CLNK: variants seen among roughly 807,000 people sequenced by gnomAD.
CLNK encodes cytokine dependent hematopoietic cell linker, also known as cytokine-dependent hematopoietic cell linker.
Under a neutral mutation model 68.6 loss-of-function variants are expected in CLNK, and 74 were observed. That is an observed-to-expected ratio of 1.08 (90% CI 0.89 to 1.31). The LOEUF (loss-of-function observed/expected upper bound fraction) is 1.31. CLNK is among the 50% of genes most tolerant of loss of function. CLNK has a pLI of 0.00. For missense variants in CLNK, 553 were observed against 515.3 expected (o/e 1.07, Z -0.71); for synonymous variants, 198 against 172.2 (o/e 1.15, Z -1.17).
chr4:10,552,942 C>G (rs533826880), intron 8 of CLNK, among the ~76,000 whole-genome samples: 220 of 152,182 alleles, frequency 1.4e-3, no homozygotes, highest in Admixed American at 1.7e-3. Flanking sequence ...TATTAATGGC[C>G]TTTTCTTCAC....
At chr4:10,699,528 T>TTTTC in the CLNK span, among the ~76,000 whole-genome samples, 1 of 137,114 alleles carries the variant, frequency 7.3e-6, no homozygotes, top group African/African-American at 2.9e-5. Flanking sequence ...TTTTTTTTTT[T>TTTTC]TCTGAGACGG....
At chr4:10,533,868 A>C (rs1014632804) in intron 11 of CLNK, among the ~76,000 whole-genome samples, 4 of 152,144 alleles carry the variant, frequency 2.6e-5, no homozygotes, top group Non-Finnish European at 5.9e-5. Flanking sequence ...ATAAATTAAA[A>C]TTTTCTATAT....
chr4:10,693,416 A>G, the CLNK span, among the ~76,000 whole-genome samples: 1 of 152,244 alleles, frequency 6.6e-6, no homozygotes, highest in Non-Finnish European at 1.5e-5. Context: ...CCCCATTTGA[A>G]GAAACAGAGA....
intron 11 of CLNK, among the ~76,000 whole-genome samples, chr4:10,537,730 T>TCTTTCTTTCTTTCTTC (rs1385874585): frequency 1.5e-5 from 2 of 132,814 alleles, no homozygotes; most frequent in Non-Finnish European, 3.2e-5. Context: ...TTTCTTTCTT[T>TCTTTCTTTCTTTCTTC]CTTTCTTCCT....
In CLNK at chr4:10,537,922, A is replaced by C. The variant is rs1718864267; in HGVS notation, c.602+2572T>G. 2.0e-5 allele frequency among the ~76,000 whole-genome samples: 3 copies of C among 151,380 alleles called. No homozygotes were observed. In the South Asian group the frequency reaches 6.3e-4, roughly 32 times the overall value. The stretch of plus-strand genomic sequence containing the variant: ...CGAAGATGGTTATTTTCTTCTTATA[A>C]ATAAGAAAAGAAAACTCAGAGATGT... On this transcript the variant is annotated intron_variant, in intron 11 of 18. Transcript: ENST00000226951.
At chr4:10,659,188 C>T (rs535689223) in intron 2 of CLNK, among the ~76,000 whole-genome samples, 4 of 152,154 alleles carry the variant, frequency 2.6e-5, no homozygotes, top group Admixed American at 6.5e-5. Context: ...GAAACAAGAG[C>T]GAAACTCTGT....
At chr4:10,523,116 A>C (rs1718148232) in intron 14 of CLNK, among the ~76,000 whole-genome samples, 2 of 152,248 alleles carry the variant, frequency 1.3e-5, no homozygotes, top group South Asian at 4.1e-4. Flanking sequence ...GGGGAGAAAT[A>C]GACACATTCA....
chr4:10,552,775 T>C (rs1719512475), intron 8 of CLNK, among the ~76,000 whole-genome samples: 1 of 152,190 alleles, frequency 6.6e-6, no homozygotes, highest in African/African-American at 2.4e-5. Flanking sequence ...TCGTGTCTAT[T>C]AAACTCTTTC....
the CLNK span, among the ~76,000 whole-genome samples, chr4:10,698,102 A>C: frequency 6.6e-6 from 1 of 152,212 alleles, no homozygotes; most frequent in Non-Finnish European, 1.5e-5. Context: ...TGAGAGGTGA[A>C]CATCCATGAA....
At chr4:10,719,165 GA>G in the CLNK span, among the ~76,000 whole-genome samples, 1 of 151,926 alleles carries the variant, frequency 6.6e-6, no homozygotes, top group Non-Finnish European at 1.5e-5. Context: ...ACAGAAAACA[GA>G]AAATAAAATA....
chr4:10,539,408 T>C (rs1461510429), intron 11 of CLNK, among the ~76,000 whole-genome samples: 1 of 152,208 alleles, frequency 6.6e-6, no homozygotes, highest in East Asian at 1.9e-4. Flanking sequence ...AAAATGAGCC[T>C]ATCCTGAGTT....
intron 13 of CLNK, among the ~76,000 whole-genome samples, chr4:10,527,099 C>G (rs990713172): frequency 6.6e-6 from 1 of 152,178 alleles, no homozygotes; most frequent in Non-Finnish European, 1.5e-5. Context: ...CATTTCATGT[C>G]ATCAATAGCG....
intron 2 of CLNK, among the ~76,000 whole-genome samples, chr4:10,628,089 GT>G (rs1722746727): frequency 6.6e-6 from 1 of 152,186 alleles, no homozygotes; most frequent in Non-Finnish European, 1.5e-5. Context: ...CCTCCAATCT[GT>G]TTCCAGAAAG....
chr4:10,659,682 A>G (rs1724119660), intron 2 of CLNK, among the ~76,000 whole-genome samples: 1 of 152,218 alleles, frequency 6.6e-6, no homozygotes, highest in South Asian at 2.1e-4. Context: ...AGCTGGAGGC[A>G]ACTGATATCT....
In CLNK at chr4:10,487,251, G is replaced by A. The variant is rs1039999689; in HGVS notation, c.*3216C>T. 2 of 152,186 alleles carry A rather than the reference G, an allele frequency of 1.3e-5. No homozygotes were observed. The highest frequency in any genetic ancestry group is 1.5e-5 in the Non-Finnish European group (1 of 68,040). The allele number at this position is 152,186 out of a possible 1,614,324, so 9.4% of individuals were successfully genotyped here. A position where few individuals can be genotyped will look rare whatever the true frequency, so the allele number is the denominator to read the frequency against. On this transcript the variant is annotated 3_prime_UTR_variant, in exon 19 of 19. Coordinates refer to ENST00000226951, the MANE Select transcript of CLNK (RefSeq NM_052964.4). ...AGATCTAATAAAGCAGGTAGACCAT[G>A]AATAGGATAATTGCATATGGAGACC...
At chr4:10,579,265 G>C (rs566023743) in intron 4 of CLNK, among the ~76,000 whole-genome samples, 1 of 152,274 alleles carries the variant, frequency 6.6e-6, no homozygotes, top group Admixed American at 6.5e-5. Context: ...ATATCTGTGG[G>C]GAAAGGGAGA....
chr4:10,522,635 T>C (rs73226456), intron 14 of CLNK, among the ~76,000 whole-genome samples: 21 of 150,774 alleles, frequency 1.4e-4, no homozygotes, highest in Non-Finnish European at 2.1e-4. Context: ...TTAACAAACG[T>C]GTTGAACACT....
At chr4:10,726,426 T>A in the CLNK span, among the ~76,000 whole-genome samples, 1 of 152,244 alleles carries the variant, frequency 6.6e-6, no homozygotes, top group East Asian at 1.9e-4. Context: ...GCCCTATGTG[T>A]GTATCTGTGT....
rs375558323 is a variant in CLNK at position 10,626,903 on chromosome 4, CCCTA to C, written c.12-28858_12-28855del. 2.4e-4 allele frequency among the ~76,000 whole-genome samples: 37 copies of C among 152,268 alleles called. No individual in the cohort carries two copies. In the East Asian group the frequency reaches 7.1e-3, roughly 29 times the overall value. On this transcript the variant is annotated intron_variant, in intron 2 of 18. Coordinates refer to ENST00000226951, the MANE Select transcript of CLNK (RefSeq NM_052964.4). ...TCTTTGAGTAGGCTGCTTAATGTCTCCCTACCTCAGTTTCTTCACCTGTAAAACA... is the reference window on the plus strand; with the variant it reads ...TCTTTGAGTAGGCTGCTTAATGTCTCCCTCAGTTTCTTCACCTGTAAAACA...
Sources: allele counts gnomAD v4.1 joint callset (sites outside exome capture counted in the v4.1 genomes callset), GRCh38; gene constraint gnomAD v4.1.1; transcripts MANE v1.5; gene names NCBI Gene and HGNC (gene_info 2026-07-23, HGNC 2026-07-21).